OPCML: variants seen among roughly 807,000 people sequenced by gnomAD.
The protein encoded by OPCML is opioid-binding protein/cell adhesion molecule.
A neutral mutation model predicts 37.8 loss-of-function variants in OPCML; 13 were observed. The observed-to-expected ratio is 0.34, with a 90% CI of 0.22 to 0.55. The LOEUF (loss-of-function observed/expected upper bound fraction) is 0.55. Ranked by LOEUF, OPCML falls within the 20% of genes least tolerant of loss-of-function variation. OPCML has a pLI of 0.91. For synonymous variants in OPCML, 176 were observed against 168.8 expected (o/e 1.04, Z -0.33); for missense variants, 341 against 435.6 (o/e 0.78, Z 1.93).
chr11:132,743,016 C>T (rs965466239), intron 2 of OPCML, among the ~76,000 whole-genome samples: 1 of 151,956 alleles, frequency 6.6e-6, no homozygotes, highest in African/African-American at 2.4e-5. Flanking sequence ...CTTCTGCTTC[C>T]TTCTCAAATT....
chr11:133,304,849 A>G (rs1942872014), intron 1 of OPCML, among the ~76,000 whole-genome samples: 1 of 152,188 alleles, frequency 6.6e-6, no homozygotes, highest in Non-Finnish European at 1.5e-5. Context: ...CCTTATGAAA[A>G]TGAATTTCAA....
chr11:132,850,411 G>C (rs1760693039), intron 2 of OPCML, among the ~76,000 whole-genome samples: 1 of 152,234 alleles, frequency 6.6e-6, no homozygotes, highest in South Asian at 2.1e-4. Context: ...TCTCAAACTT[G>C]GAACACGTTA....
intron 2 of OPCML, among the ~76,000 whole-genome samples, chr11:132,891,009 C>T (rs1943625563): frequency 6.6e-6 from 1 of 152,116 alleles, no homozygotes; most frequent in African/African-American, 2.4e-5. Context: ...ATCATCTTAC[C>T]TTGTTTGTGT....
At chr11:133,144,761 G>T (rs779274347) in intron 1 of OPCML, among the ~76,000 whole-genome samples, 8 of 152,162 alleles carry the variant, frequency 5.3e-5, no homozygotes, top group Non-Finnish European at 1.2e-4. Flanking sequence ...TCTAACAAAA[G>T]AAGCTATTTT....
chr11:132,725,793 A>AAAAG (rs1565811212), intron 2 of OPCML, among the ~76,000 whole-genome samples: 1 of 151,386 alleles, frequency 6.6e-6, no homozygotes, highest in Non-Finnish European at 1.5e-5. Context: ...AAAAAAAAAA[A>AAAAG]AAAGAAAGAA....
At chr11:133,050,852 G>A (rs1260593374) in intron 1 of OPCML, among the ~76,000 whole-genome samples, 1 of 151,972 alleles carries the variant, frequency 6.6e-6, no homozygotes, top group Non-Finnish European at 1.5e-5. Flanking sequence ...GCTCTCATTA[G>A]GAGGCTTAAT....
chr11:132,999,520 T>G (rs895856441), intron 1 of OPCML, among the ~76,000 whole-genome samples: 2 of 151,166 alleles, frequency 1.3e-5, no homozygotes, highest in African/African-American at 4.9e-5. Flanking sequence ...GCTTATTATT[T>G]GTTTGATATT....
chr11:133,081,384 A>C (rs1591983226), intron 1 of OPCML, among the ~76,000 whole-genome samples: 1 of 152,206 alleles, frequency 6.6e-6, no homozygotes, highest in Non-Finnish European at 1.5e-5. Context: ...CAACTTAGGA[A>C]CTGAGGCTGA....
chr11:133,379,756 C>A (rs1031365887), intron 1 of OPCML, among the ~76,000 whole-genome samples: 3 of 152,126 alleles, frequency 2.0e-5, no homozygotes, highest in African/African-American at 7.2e-5. Context: ...TTTGCTAGAT[C>A]CTGCGTATAA....
chr11:133,320,141 T>C (rs1943296143), intron 1 of OPCML, among the ~76,000 whole-genome samples: 1 of 152,202 alleles, frequency 6.6e-6, no homozygotes, highest in South Asian at 2.1e-4. Flanking sequence ...ACTATACAAA[T>C]TTTATTTTCC....
chr11:133,115,167 G>C (rs1013009447), intron 1 of OPCML, among the ~76,000 whole-genome samples: 9 of 152,132 alleles, frequency 5.9e-5, no homozygotes, highest in Admixed American at 1.3e-4. Context: ...TTCTAGCTCT[G>C]AGCCGCTCAG....
intron 2 of OPCML, among the ~76,000 whole-genome samples, chr11:132,884,617 T>C (rs953643769): frequency 1.3e-5 from 2 of 152,172 alleles, no homozygotes; most frequent in Non-Finnish European, 2.9e-5. Flanking sequence ...AGTTACAAAA[T>C]AGCATAGGCT....
chr11:133,009,221 G>T, intron 1 of OPCML: 1 of 985,342 alleles, frequency 1.0e-6, no homozygotes, highest in South Asian at 4.7e-5. Flanking sequence ...CCTGATCTCA[G>T]GGAACTTCAA....
intron 1 of OPCML, among the ~76,000 whole-genome samples, chr11:133,161,673 G>C (rs993228441): frequency 1.3e-5 from 2 of 152,076 alleles, no homozygotes; most frequent in African/African-American, 4.8e-5. Flanking sequence ...AATATATACT[G>C]TATTGTAATT....
intron 4 of OPCML, among the ~76,000 whole-genome samples, chr11:132,497,561 C>A (rs1172433515): frequency 6.6e-6 from 1 of 152,036 alleles, no homozygotes; most frequent in African/African-American, 2.4e-5. Context: ...GGGCAGAGAG[C>A]AGAAAGAAGT....
At chr11:132,792,487 G>A (rs1937982190) in intron 2 of OPCML, among the ~76,000 whole-genome samples, 1 of 152,206 alleles carries the variant, frequency 6.6e-6, no homozygotes, top group African/African-American at 2.4e-5. Flanking sequence ...CTGGCTCCAA[G>A]GAGTCCGCTC....
chr11:132,468,659 A>G (rs547008905), intron 4 of OPCML, among the ~76,000 whole-genome samples: 2 of 152,374 alleles, frequency 1.3e-5, no homozygotes, highest in Non-Finnish European at 2.9e-5. Flanking sequence ...AGGTTAATGT[A>G]TCTGCCAAAA....
intron 3 of OPCML, among the ~76,000 whole-genome samples, chr11:132,551,029 T>A (rs1458324272): frequency 2.6e-5 from 4 of 152,228 alleles, no homozygotes; most frequent in African/African-American, 9.6e-5. Flanking sequence ...ATTTCCATGT[T>A]TATTTCCTGG....
At chr11:132,481,439 A>G (rs1270461490) in intron 4 of OPCML, among the ~76,000 whole-genome samples, 1 of 150,914 alleles carries the variant, frequency 6.6e-6, no homozygotes, top group Non-Finnish European at 1.5e-5. Context: ...GTGACCTACA[A>G]AGAGACTTAG....
Sources: allele counts gnomAD v4.1 joint callset (sites outside exome capture counted in the v4.1 genomes callset), GRCh38; gene constraint gnomAD v4.1.1; transcripts MANE v1.5; gene names NCBI Gene and HGNC (gene_info 2026-07-23, HGNC 2026-07-21).